SAMSN1: variants seen among roughly 807,000 people sequenced by gnomAD.
SAMSN1 encodes the protein SAM domain, SH3 domain and nuclear localization signals 1.
In SAMSN1, 31 loss-of-function variants were observed where a neutral mutation model predicts 42.0. That is an observed-to-expected ratio of 0.74 (90% confidence interval 0.55 to 1.00). The LOEUF (loss-of-function observed/expected upper bound fraction) is 1.00, where lower values mean the gene tolerates loss of function less well. Among genes scored for constraint, SAMSN1 ranks in the 50% least tolerant of loss-of-function variants. The pLI, the probability that SAMSN1 is intolerant of heterozygous loss-of-function variation, is 0.00. For missense variants in SAMSN1, 464 were observed against 439.4 expected, an observed-to-expected ratio of 1.06 and a Z score of -0.50; for synonymous variants, 178 against 151.9, an observed-to-expected ratio of 1.17 and a Z score of -1.26.
At chr21:14,577,264 ATATATATATATATATATATATTTT>A (rs1267726389) in intron 2 of SAMSN1, among the ~76,000 whole-genome samples, 4 of 43,344 alleles carry the variant, frequency 9.2e-5, no homozygotes, top group African/African-American at 6.5e-4. Flanking sequence ...ATATATATAT[ATATATATATATATATATATATTTT>A]TTTTTTAGAA....
intron 3 of SAMSN1, among the ~76,000 whole-genome samples, chr21:14,515,996 A>G (rs550896728): frequency 6.6e-6 from 1 of 152,344 alleles, no homozygotes; most frequent in South Asian, 2.1e-4. Context: ...TAGTATTAAA[A>G]AGACAGACAA....
At chr21:14,505,649 T>C (rs1987366478) in intron 5 of SAMSN1, among the ~76,000 whole-genome samples, 1 of 152,150 alleles carries the variant, frequency 6.6e-6, no homozygotes, top group African/African-American at 2.4e-5. Context: ...ACAGTAATAG[T>C]GGGGAACTTC....
intron 2 of SAMSN1, among the ~76,000 whole-genome samples, chr21:14,551,505 A>C (rs1490493135): frequency 1.3e-5 from 2 of 152,122 alleles, no homozygotes; most frequent in Non-Finnish European, 2.9e-5. Flanking sequence ...TAAGATTCAA[A>C]ATAAATGCAA....
At chr21:14,590,311 A>G (rs988130081) in intron 7 of SAMSN1, among the ~76,000 whole-genome samples, 19 of 151,470 alleles carry the variant, frequency 1.3e-4, no homozygotes, top group Admixed American at 2.0e-4. Context: ...TGCTCTGTCC[A>G]CCAAGCTGGA....
At chr21:14,518,588 A>G (rs1268647710) in intron 2 of SAMSN1, among the ~76,000 whole-genome samples, 1 of 152,232 alleles carries the variant, frequency 6.6e-6, no homozygotes, top group Non-Finnish European at 1.5e-5. Flanking sequence ...GAATATAAAA[A>G]ATGATGGGAA....
intron 2 of SAMSN1, among the ~76,000 whole-genome samples, chr21:14,559,285 A>C (rs1394606501): frequency 6.6e-6 from 1 of 152,152 alleles, no homozygotes; most frequent in Non-Finnish European, 1.5e-5. Context: ...CAGACAGCAA[A>C]GGTCATCTCT....
chr21:14,601,900 TAATA>T, intron 6 of SAMSN1: 1 of 398,220 alleles, frequency 2.5e-6, no homozygotes, highest in South Asian at 9.0e-5. Flanking sequence ...AAGCAACCTA[TAATA>T]ACTAAATAGA....
chr21:14,591,399 T>C (rs1442312173), intron 7 of SAMSN1: 1 of 152,222 alleles, frequency 6.6e-6, no homozygotes, highest in African/African-American at 2.4e-5. Flanking sequence ...CTGCCTGTGA[T>C]GCACATTGCT....
At chr21:14,627,579 T>C (rs1266690819) in intron 2 of SAMSN1, among the ~76,000 whole-genome samples, 1 of 152,210 alleles carries the variant, frequency 6.6e-6, no homozygotes, top group African/African-American at 2.4e-5. Flanking sequence ...CACATACTTG[T>C]ACTTTGAAAG....
At chr21:14,581,685 T>C (rs1251489279) in intron 2 of SAMSN1, among the ~76,000 whole-genome samples, 1 of 152,028 alleles carries the variant, frequency 6.6e-6, no homozygotes, top group African/African-American at 2.4e-5. Flanking sequence ...TAAGGTAATA[T>C]TTCATAATGT....
At chr21:14,525,386 T>C (rs1978777952) in intron 1 of SAMSN1, among the ~76,000 whole-genome samples, 1 of 151,670 alleles carries the variant, frequency 6.6e-6, no homozygotes, top group African/African-American at 2.4e-5. Context: ...TCGGAAAAAA[T>C]ACAGACAAGA....
intron 2 of SAMSN1, among the ~76,000 whole-genome samples, chr21:14,624,316 C>CA (rs562785599): frequency 1.5e-3 from 223 of 151,964 alleles, no homozygotes; most frequent in Non-Finnish European, 2.5e-3. Context: ...AAAAACCCTT[C>CA]AAAAAATCAA....
upstream of SAMSN1, among the ~76,000 whole-genome samples, chr21:14,584,445 CTT>C (rs553313484): frequency 2.6e-5 from 4 of 152,212 alleles, no homozygotes; most frequent in South Asian, 6.2e-4. Flanking sequence ...ATTAATGACT[CTT>C]GTTTTCTTTA....
chr21:14,504,940 G>A (rs539635318), intron 5 of SAMSN1, among the ~76,000 whole-genome samples: 3 of 152,314 alleles, frequency 2.0e-5, no homozygotes, highest in Admixed American at 6.5e-5. Flanking sequence ...TTGGGACCCT[G>A]TCTTCAGCCT....
chr21:14,490,776 C>G (rs1036870581), intron 7 of SAMSN1, among the ~76,000 whole-genome samples: 1 of 152,182 alleles, frequency 6.6e-6, no homozygotes, highest in Non-Finnish European at 1.5e-5. Context: ...ATGACTTCCC[C>G]TCCTCTTGCA....
chr21:14,566,541 TA>T (rs200192199), intron 2 of SAMSN1, among the ~76,000 whole-genome samples: 65 of 151,540 alleles, frequency 4.3e-4, no homozygotes, highest in South Asian at 1.7e-3. Context: ...TATATATATA[TA>T]AAATTTTTTT....
At chr21:14,552,532 T>C (rs1385501182) in intron 2 of SAMSN1, among the ~76,000 whole-genome samples, 1 of 152,016 alleles carries the variant, frequency 6.6e-6, no homozygotes, top group Admixed American at 6.6e-5. Context: ...AGCAAGAAGG[T>C]GCCATCTATG....
chr21:14,544,307 CTGCAAAG>C (rs1980245589), intron 1 of SAMSN1, among the ~76,000 whole-genome samples: 1 of 152,166 alleles, frequency 6.6e-6, no homozygotes, highest in Non-Finnish European at 1.5e-5. Context: ...CACCTCGGCC[CTGCAAAG>C]TGCTGGAACT....
intron 1 of SAMSN1, among the ~76,000 whole-genome samples, chr21:14,529,110 G>T (rs866119184): frequency 6.6e-6 from 1 of 152,174 alleles, no homozygotes; most frequent in Non-Finnish European, 1.5e-5. Flanking sequence ...AACACTTCTT[G>T]CTGGCCACTG....
Sources: gnomAD v4.1 joint callset for allele counts (sites outside exome capture counted in the v4.1 genomes callset) on GRCh38, gnomAD v4.1.1 for gene constraint, MANE v1.5 for transcripts, NCBI Gene and HGNC (gene_info 2026-07-23, HGNC 2026-07-21) for gene names.